GABRR3: variants seen among roughly 807,000 people sequenced by gnomAD.
GABRR3 encodes the protein gamma-aminobutyric acid type A receptor subunit rho3.
Under a neutral mutation model 43.2 loss-of-function variants are expected in GABRR3, and 29 were observed. The observed-to-expected ratio is 0.67, with a 90% CI of 0.50 to 0.92. The LOEUF is 0.92. GABRR3 is among the 40% of genes least tolerant of loss of function. GABRR3 has a pLI of 0.00. For synonymous variants in GABRR3, 206 were observed against 195.9 expected (o/e 1.05, Z -0.43); for missense variants, 576 against 572.3 (o/e 1.01, Z -0.07).
At chr3:98,032,922 G>A (rs1707108263) in intron 2 of GABRR3, among the ~76,000 whole-genome samples, 2 of 152,110 alleles carry the variant, frequency 1.3e-5, no homozygotes, top group South Asian at 4.1e-4. Context: ...ATCAGGTCGG[G>A]TGCTGGGCAA....
intron 3 of GABRR3, among the ~76,000 whole-genome samples, chr3:98,022,259 T>C (rs1387732955): frequency 1.3e-5 from 2 of 152,218 alleles, no homozygotes; most frequent in African/African-American, 4.8e-5. Context: ...TGAGCTGCAA[T>C]TTATAACCCA....
At chr3:98,012,496 G>A (rs751659077) in exon 5 of GABRR3, 1 of 1,613,956 alleles carries the variant, frequency 6.2e-7, no homozygotes, top group South Asian at 1.1e-5. Flanking sequence ...TCATGCTTTT[G>A]TTTGCTGTGC....
At chr3:98,002,698 C>T (rs1221725506) in intron 7 of GABRR3, among the ~76,000 whole-genome samples, 1 of 151,562 alleles carries the variant, frequency 6.6e-6, no homozygotes, top group Non-Finnish European at 1.5e-5. Context: ...CATGGAAATA[C>T]ATCTTTTCTG....
chr3:98,021,954 A>G (rs1010336479), intron 3 of GABRR3, among the ~76,000 whole-genome samples: 1 of 152,210 alleles, frequency 6.6e-6, no homozygotes, highest in African/African-American at 2.4e-5. Context: ...TCCTCTTGAC[A>G]CGAGGGAGTG....
intron 2 of GABRR3, among the ~76,000 whole-genome samples, chr3:98,026,446 T>A (rs1707016852): frequency 6.6e-6 from 1 of 152,152 alleles, no homozygotes. Context: ...TTGCTGGACC[T>A]CCCTGATTTG....
intron 3 of GABRR3, among the ~76,000 whole-genome samples, chr3:98,019,711 G>A (rs1207120833): frequency 6.6e-6 from 1 of 152,028 alleles, no homozygotes; most frequent in Non-Finnish European, 1.5e-5. Flanking sequence ...TCAACCTCCT[G>A]AGTAGCTGGG....
intron 7 of GABRR3, among the ~76,000 whole-genome samples, chr3:98,007,093 C>G (rs1455975759): frequency 6.6e-6 from 1 of 152,146 alleles, no homozygotes; most frequent in South Asian, 2.1e-4. Context: ...CACAACAAAG[C>G]AGTCAAATAA....
chr3:98,025,706 C>G, intron 2 of GABRR3, 27 bp from the exon 3 acceptor site: 1 of 1,405,908 alleles, frequency 7.1e-7, no homozygotes, highest in Non-Finnish European at 9.9e-7. Flanking sequence ...AAAAAAAAAA[C>G]TTCTGAGATA....
intron 7 of GABRR3, among the ~76,000 whole-genome samples, chr3:98,003,831 A>C (rs1433756490): frequency 6.6e-6 from 1 of 152,082 alleles, no homozygotes; most frequent in Non-Finnish European, 1.5e-5. Context: ...CTGTTTTCTC[A>C]AGCCATTTTT....
chr3:98,022,940 G>A (rs74891038), intron 3 of GABRR3, among the ~76,000 whole-genome samples: 442 of 152,248 alleles, frequency 2.9e-3, no homozygotes, highest in African/African-American at 0.01. Context: ...TCAATTTCAT[G>A]TTTTTCTGGA....
At chr3:98,031,562 T>C (rs556770059) in intron 2 of GABRR3, among the ~76,000 whole-genome samples, 98 of 151,696 alleles carry the variant, frequency 6.5e-4, no homozygotes, top group African/African-American at 2.3e-3. Context: ...CTGGGCAACA[T>C]AGACAGACCC....
chr3:97,990,782 G>A (rs1006843651), intron 9 of GABRR3, among the ~76,000 whole-genome samples: 1 of 151,456 alleles, frequency 6.6e-6, no homozygotes, highest in African/African-American at 2.4e-5. Flanking sequence ...TCCAGGGCCT[G>A]GGGGGAGGGG....
At chr3:97,988,416 G>A (rs1241412907) in intron 9 of GABRR3, among the ~76,000 whole-genome samples, 1 of 152,006 alleles carries the variant, frequency 6.6e-6, no homozygotes, top group African/African-American at 2.4e-5. Flanking sequence ...TCCAAGCAAT[G>A]GTCAACACCA....
intron 4 of GABRR3, among the ~76,000 whole-genome samples, chr3:98,016,468 GGCGGTGTCAT>G (rs772112103): frequency 8.5e-5 from 13 of 152,066 alleles, no homozygotes; most frequent in Non-Finnish European, 1.9e-4. Flanking sequence ...AGGAGCAGAT[GGCGGTGTCAT>G]GCTCCTTGTA....
chr3:98,022,695 T>C (rs1327360483), intron 3 of GABRR3, among the ~76,000 whole-genome samples: 1 of 152,128 alleles, frequency 6.6e-6, no homozygotes, highest in Non-Finnish European at 1.5e-5. Context: ...CGGCTCAAAC[T>C]GACTAATCAC....
At chr3:97,988,394 A>G (rs61275005) in intron 9 of GABRR3, among the ~76,000 whole-genome samples, 5,327 of 151,930 alleles carry the variant, frequency 0.035, 281 homozygotes, top group African/African-American at 0.12. Flanking sequence ...GAAAATAGCT[A>G]TTTTTCCTCT....
intron 8 of GABRR3, among the ~76,000 whole-genome samples, chr3:97,997,288 G>A (rs1056024413): frequency 1.3e-5 from 2 of 152,098 alleles, no homozygotes; most frequent in African/African-American, 4.8e-5. Context: ...TCATAATGCC[G>A]AAGGACACAA....
intron 8 of GABRR3, chr3:97,997,717 G>A (rs930887316): frequency 6.6e-6 from 1 of 152,144 alleles, no homozygotes; most frequent in African/African-American, 2.4e-5. Flanking sequence ...CTGAAACACC[G>A]TGATGAACAA....
chr3:98,011,243 T>C (rs1371704844), intron 5 of GABRR3, among the ~76,000 whole-genome samples: 1 of 152,242 alleles, frequency 6.6e-6, no homozygotes, highest in African/African-American at 2.4e-5. Flanking sequence ...AAATAATCTG[T>C]ATGAGTTTCC....
Sources: allele counts gnomAD v4.1 joint callset (sites outside exome capture counted in the v4.1 genomes callset), GRCh38; gene constraint gnomAD v4.1.1; transcripts MANE v1.5; gene names NCBI Gene and HGNC (gene_info 2026-07-23, HGNC 2026-07-21).